Variants in EPS15L1 observed in about 807,000 individuals in gnomAD.
EPS15L1 encodes epidermal growth factor receptor substrate 15-like 1.
Under a neutral mutation model 117.1 loss-of-function variants are expected in EPS15L1, and 43 were observed. That is an observed-to-expected ratio of 0.37 (90% CI 0.29 to 0.47). The LOEUF (loss-of-function observed/expected upper bound fraction) is 0.47. Ranked by LOEUF, EPS15L1 falls within the 20% of genes least tolerant of loss-of-function variation. EPS15L1 has a pLI of 0.99. For synonymous variants in EPS15L1, 459 were observed against 470.5 expected, an observed-to-expected ratio of 0.98 and a Z score of 0.32; for missense variants, 981 against 1,164.0, an observed-to-expected ratio of 0.84 and a Z score of 2.29.
In EPS15L1 at chr19:16,382,043, G is replaced by A. The variant is rs899819233; in HGVS notation, c.2247+3086C>T. 1.2e-4 allele frequency among the ~76,000 whole-genome samples: 18 copies of A among 152,230 alleles called. 1 individual carries two copies. The highest frequency in any genetic ancestry group is 8.5e-4 in the Admixed American group (13 of 15,282). ...CAATAAAACCACACTCAGCCTGGAC[G>A]TCCAAAGTTGTAAGACCTGGTGACA... On this transcript the variant is annotated intron_variant, in intron 21 of 23. Transcript: ENST00000455140.
intron 16 of EPS15L1, chr19:16,401,988 G>C: frequency 9.2e-7 from 1 of 1,081,908 alleles, no homozygotes; most frequent in Admixed American, 4.7e-5. Flanking sequence ...AGCAGAAACT[G>C]ATCCAATTTT....
chr19:16,379,117 T>C (rs1384455102), intron 21 of EPS15L1, among the ~76,000 whole-genome samples: 1 of 151,932 alleles, frequency 6.6e-6, no homozygotes. Context: ...GCCCAGCTAA[T>C]ACGGTGAAAA....
Position 16,365,237 on chromosome 19 carries a change from CCAAA to C in EPS15L1, c.2381-3257_2381-3254del, listed in dbSNP as rs1456889781. Among the ~76,000 whole-genome samples, 6 of 152,210 alleles carry C rather than the reference CCAAA, an allele frequency of 3.9e-5. No individual in the cohort carries two copies. Among genetic ancestry groups the C allele is most frequent in the Non-Finnish European group, 8.8e-5 (6 of 68,030 alleles). The stretch of plus-strand genomic sequence containing the variant: ...CACCCCCCTCAGCCTGTTTCTTAAT[CCAAA>C]CAAAGGGCTGTGTCCCCCCAACAAT... On this transcript the variant is annotated intron_variant, in intron 22 of 23. Transcript: ENST00000455140. The surrounding 1 kb of genome is among the most constrained non-coding windows in gnomAD (Gnocchi z 4.9).
chr19:16,372,631 G>A (rs2092241288), intron 22 of EPS15L1, among the ~76,000 whole-genome samples: 1 of 152,232 alleles, frequency 6.6e-6, no homozygotes, highest in Non-Finnish European at 1.5e-5. Flanking sequence ...TGCCCAGCCT[G>A]TCTTTCCTGG....
intron 1 of EPS15L1, among the ~76,000 whole-genome samples, chr19:16,447,919 C>T (rs2093100059): frequency 6.6e-6 from 1 of 152,126 alleles, no homozygotes; most frequent in Non-Finnish European, 1.5e-5. Flanking sequence ...ATGCACAGAA[C>T]AGAATGTAGA....
Position 16,370,675 on chromosome 19 carries a change from C to CCGTTTGG in EPS15L1, c.2380+6446_2380+6447insCCAAACG, listed in dbSNP as rs1210597159. 4.6e-5 allele frequency among the ~76,000 whole-genome samples: 7 copies of CCGTTTGG among 152,216 alleles called. No individual in the cohort carries two copies. The highest frequency in any genetic ancestry group is 1.7e-4 in the African/African-American group (7 of 41,460). On this transcript the variant is annotated intron_variant, in intron 22 of 23. Coordinates refer to ENST00000455140, the MANE Select transcript of EPS15L1 (RefSeq NM_001258374.3). This position sits in a 1 kb window ranked among gnomAD's most constrained non-coding sequence, Gnocchi z 5.2. Reference sequence around the variant, plus strand: ...TTCAAACTCAGTGGTCTTTACAGAACAGAAAGTGCTCCAAACGGCAATCTG... The same window carrying CCGTTTGG: ...TTCAAACTCAGTGGTCTTTACAGAACCGTTTGGAGAAAGTGCTCCAAACGGCAATCTG...
At chr19:16,358,892 C>T (rs751712273) in intron 23 of EPS15L1, among the ~76,000 whole-genome samples, 9 of 152,226 alleles carry the variant, frequency 5.9e-5, no homozygotes, top group Non-Finnish European at 1.2e-4. Context: ...AACCGTTCCG[C>T]TAACCTAGAA....
rs753315116 is a variant in EPS15L1 at position 16,421,435 on chromosome 19, T to C, written c.834A>G (p.Arg278=). The C allele has an allele frequency of 6.2e-7, 1 of 1,613,958 alleles. No homozygotes were observed. Among genetic ancestry groups the C allele is most frequent in the Non-Finnish European group, 8.5e-7 (1 of 1,179,832 alleles). The stretch of plus-strand genomic sequence containing the variant: ...CGGTCTTCAGGAATATCTCATCAAA[T>C]CGCATCTTGTCTGCCACGGGCACCA... ...NWVVPVADKM[R]FDEIFLKTDL... The change falls in exon 10 of 24, where the codon CGA becomes CGG. Residue 278 remains arginine (R), a synonymous_variant. Coordinates refer to ENST00000455140, the MANE Select transcript of EPS15L1 (RefSeq NM_001258374.3).
At chr19:16,394,497 C>T (rs2144786552) in intron 17 of EPS15L1, among the ~76,000 whole-genome samples, 1 of 152,322 alleles carries the variant, frequency 6.6e-6, no homozygotes, top group South Asian at 2.1e-4. Context: ...GCTCAAGCTC[C>T]CGCTGCCCTC....
chr19:16,398,729 T>C (rs150332818), intron 16 of EPS15L1, among the ~76,000 whole-genome samples: 85 of 152,326 alleles, frequency 5.6e-4, no homozygotes, highest in African/African-American at 1.8e-3. Flanking sequence ...GCAATCCCAC[T>C]ACTGAGCAGC....
chr19:16,357,861 T>TC (rs142671737), intron 23 of EPS15L1: 21,230 of 150,932 alleles, frequency 0.14, 1,534 homozygotes, highest in Non-Finnish European at 0.15. Flanking sequence ...CAGATAAGCA[T>TC]CCCCCCCGCC....
intron 1 of EPS15L1, among the ~76,000 whole-genome samples, chr19:16,460,362 C>A (rs906569723): frequency 6.6e-6 from 1 of 152,158 alleles, no homozygotes; most frequent in Admixed American, 6.6e-5. Flanking sequence ...TTACACACAG[C>A]AGATAAGTAC....
chr19:16,369,171 C>T (rs931302011), intron 22 of EPS15L1, among the ~76,000 whole-genome samples: 4 of 152,142 alleles, frequency 2.6e-5, no homozygotes, highest in African/African-American at 9.7e-5. Context: ...CACGGGACCA[C>T]GTAAGGGACC....
chr19:16,459,889 G>C (rs1355576091), intron 1 of EPS15L1, among the ~76,000 whole-genome samples: 1 of 152,152 alleles, frequency 6.6e-6, no homozygotes, highest in Non-Finnish European at 1.5e-5. Context: ...AAGCAATAAA[G>C]TATTTCAACA....
intron 13 of EPS15L1, among the ~76,000 whole-genome samples, chr19:16,410,127 C>T (rs2092693860): frequency 6.8e-6 from 1 of 146,114 alleles, no homozygotes; most frequent in Non-Finnish European, 1.5e-5. Flanking sequence ...GAGTGAGACT[C>T]CGTCTCAAAA....
rs562305897 is a variant in EPS15L1, at chr19:16,468,359, T to A, written c.33+3554A>T. ...TTACTAAGGTCATCAAAGCTGACTT[T>A]TTTTGAGACTGAGTCTCACCCTGTT... On this transcript the variant is annotated intron_variant, in intron 1 of 23. Transcript: ENST00000455140. 5.9e-5 allele frequency among the ~76,000 whole-genome samples: 9 copies of A among 152,290 alleles called. No individual in the cohort carries two copies. In the South Asian group the frequency reaches 1.7e-3, roughly 28 times the overall value.
rs1057099214 is a variant in EPS15L1 at position 16,381,494 on chromosome 19, G to C, written c.2247+3635C>G. On this transcript the variant is annotated intron_variant, in intron 21 of 23. Transcript: ENST00000455140. The surrounding 1 kb of genome is among the most constrained non-coding windows in gnomAD (Gnocchi z 4.2). The stretch of plus-strand genomic sequence containing the variant: ...GGTTTCTTCATCTGTAAAATGGCAA[G>C]AGTGACAGAGCTCGGAAGGCTCCGG... 7.2e-5 allele frequency among the ~76,000 whole-genome samples: 11 copies of C among 152,248 alleles called. No individual in the cohort carries two copies. Among genetic ancestry groups the C allele is most frequent in the Admixed American group, 4.6e-4 (7 of 15,290 alleles).
chr19:16,388,733 A>G (rs2092447409), intron 19 of EPS15L1, among the ~76,000 whole-genome samples: 1 of 152,146 alleles, frequency 6.6e-6, no homozygotes, highest in African/African-American at 2.4e-5. Flanking sequence ...AGGCTGAGGC[A>G]GGAGAATGGC....
At chr19:16,455,999 G>A (rs553757488) in intron 1 of EPS15L1, among the ~76,000 whole-genome samples, 6 of 152,262 alleles carry the variant, frequency 3.9e-5, no homozygotes, top group Admixed American at 3.3e-4. Context: ...TCAGGAGTTC[G>A]AGACCAGCCT....
Sources: allele counts gnomAD v4.1 joint callset (sites outside exome capture counted in the v4.1 genomes callset), GRCh38; gene constraint gnomAD v4.1.1; non-coding constraint Gnocchi (gnomAD v3.1); transcripts MANE v1.5; gene names NCBI Gene and HGNC (gene_info 2026-07-23, HGNC 2026-07-21).